The following THADA variants were observed in gnomAD, a reference collection of about 807,000 sequenced individuals.
THADA encodes the protein tRNA (32-2'-O)-methyltransferase regulator THADA.
Under a neutral mutation model 219.8 loss-of-function variants are expected in THADA, and 213 were observed. That is an observed-to-expected ratio of 0.97 (90% CI 0.87 to 1.09). The LOEUF is 1.09. Ranked by LOEUF, THADA falls within the 50% of genes least tolerant of loss-of-function variation. The pLI is 0.00. For missense variants in THADA, 2,956 were observed against 2,311.3 expected, an observed-to-expected ratio of 1.28 and a Z score of -5.72; for synonymous variants, 1,018 against 828.9, an observed-to-expected ratio of 1.23 and a Z score of -3.92.
At chr2:43,456,799 G>A in intron 26 of THADA, among the ~76,000 whole-genome samples, 1 of 152,180 alleles carries the variant, frequency 6.6e-6, no homozygotes, top group Non-Finnish European at 1.5e-5. Context: ...GGAATAGAGA[G>A]GAAATTAGTA....
rs542397510 is a variant in THADA at position 43,593,957 on chromosome 2, A to T, written c.-24-1541T>A. Among the ~76,000 whole-genome samples the T allele has an allele frequency of 8.1e-4, 123 of 152,228 alleles. 1 individual carries two copies. Among genetic ancestry groups the T allele is most frequent in the South Asian group, 4.6e-3 (22 of 4,824 alleles). On this transcript the variant is annotated intron_variant, in intron 1 of 37. Coordinates refer to ENST00000405975, the MANE Select transcript of THADA (RefSeq NM_022065.5). Reference sequence around the variant, plus strand: ...CTTAGACTTCTTGTCTTGCTATTAGATTAGTAAAAGTCAGTACAAGCTACA... The same window carrying T: ...CTTAGACTTCTTGTCTTGCTATTAGTTTAGTAAAAGTCAGTACAAGCTACA...
chr2:43,440,660 C>T (rs1237982512), intron 26 of THADA, among the ~76,000 whole-genome samples: 1 of 152,172 alleles, frequency 6.6e-6, no homozygotes, highest in African/African-American at 2.4e-5. Flanking sequence ...ATTATACAAA[C>T]AGAAAGGCAA....
At chr2:43,315,602 C>G (rs942984059) in intron 31 of THADA, among the ~76,000 whole-genome samples, 5 of 151,986 alleles carry the variant, frequency 3.3e-5, no homozygotes, top group African/African-American at 1.2e-4. Flanking sequence ...ATCTGGGACT[C>G]TACAGGCACA....
intron 26 of THADA, chr2:43,484,383 G>A (rs890700970): frequency 5.9e-6 from 1 of 168,932 alleles, no homozygotes; most frequent in South Asian, 2.0e-4. Context: ...ACTTTTTTAG[G>A]GAAGAAGGGA....
At position 43,319,069 on chromosome 2, in the gene THADA, G is replaced by A. The variant is rs1316843999; in HGVS notation, c.4438+1377C>T. Among the ~76,000 whole-genome samples, 3 of 152,184 alleles carry A rather than the reference G, an allele frequency of 2.0e-5. No homozygotes were observed. The East Asian group carries it at 5.8e-4, about 29-fold the overall frequency. On this transcript the variant is annotated intron_variant, in intron 31 of 37. Transcript: ENST00000405975. ...CCAAAGCCCTTTAGATACATAGGCA[G>A]GGAAGTATTACAAAGCTATATGGAA...
chr2:43,477,442 A>T (rs551335965), intron 26 of THADA, among the ~76,000 whole-genome samples: 24 of 152,322 alleles, frequency 1.6e-4, no homozygotes, highest in African/African-American at 5.8e-4. Flanking sequence ...TTCACTAAAC[A>T]TCTCTTAATT....
At chr2:43,451,441 A>C (rs1682323822) in intron 26 of THADA, among the ~76,000 whole-genome samples, 1 of 152,188 alleles carries the variant, frequency 6.6e-6, no homozygotes, top group Non-Finnish European at 1.5e-5. Flanking sequence ...CATAACATTA[A>C]CAGTTACTGT....
chr2:43,297,509 C>G (rs1411185980), intron 31 of THADA, among the ~76,000 whole-genome samples: 2 of 95,290 alleles, frequency 2.1e-5, no homozygotes, highest in East Asian at 5.0e-4. Flanking sequence ...GGGCGGTCAG[C>G]CCCCCCGCCC....
intron 35 of THADA, among the ~76,000 whole-genome samples, chr2:43,284,133 C>T (rs576626512): frequency 2.0e-5 from 3 of 152,190 alleles, no homozygotes; most frequent in East Asian, 1.9e-4. Context: ...GAGCCAAGAT[C>T]GTGCCATTGC....
Position 43,292,964 on chromosome 2 carries a change from G to A in THADA, c.4688C>T (p.Ala1563Val), listed in dbSNP as rs761258931. Residue 1563 changes from alanine (A) to valine (V), a missense_variant, in exon 32 of 38, where the codon GCC becomes GTC. Coordinates refer to ENST00000405975, the MANE Select transcript of THADA (RefSeq NM_022065.5). ...FPEVRSLTLE[A>V]LLEKFLAAAS... ...TGCTGCTAAGAACTTTTCCAAGAGG[G>A]CTTCCAGTGTTAGTGAGCGCACTTC... The A allele has an allele frequency of 1.2e-6, 2 of 1,614,000 alleles. No individual in the cohort carries two copies. The highest frequency in any genetic ancestry group is 1.7e-5 in the Admixed American group (1 of 60,024).
chr2:43,407,654 A>T (rs1478034915), intron 28 of THADA, among the ~76,000 whole-genome samples: 1 of 152,216 alleles, frequency 6.6e-6, no homozygotes, highest in African/African-American at 2.4e-5. Flanking sequence ...ATAATCTGTT[A>T]CATTTATAAA....
intron 36 of THADA, among the ~76,000 whole-genome samples, chr2:43,253,385 T>C (rs1181429074): frequency 1.3e-5 from 2 of 152,112 alleles, no homozygotes; most frequent in African/African-American, 2.4e-5. Context: ...CTTGGGCCCT[T>C]TGCCTACCTC....
intron 26 of THADA, among the ~76,000 whole-genome samples, chr2:43,461,764 T>G (rs1683670142): frequency 6.6e-6 from 1 of 152,248 alleles, no homozygotes; most frequent in Non-Finnish European, 1.5e-5. Flanking sequence ...TACTCCTCCT[T>G]GCTTCTCTGG....
chr2:43,368,669 G>A (rs1478237334), intron 29 of THADA, among the ~76,000 whole-genome samples: 3 of 151,908 alleles, frequency 2.0e-5, no homozygotes, highest in Non-Finnish European at 4.4e-5. Flanking sequence ...AAGTGCTGCT[G>A]GGGTTAAAGG....
chr2:43,435,781 C>CAAAA (rs542080356), intron 26 of THADA, among the ~76,000 whole-genome samples: 16 of 53,336 alleles, frequency 3.0e-4, no homozygotes, highest in South Asian at 6.2e-4. Flanking sequence ...AACTTGCCAC[C>CAAAA]AAAAAAAAAA....
At chr2:43,390,096 G>C (rs943159583) in intron 29 of THADA, among the ~76,000 whole-genome samples, 1 of 152,194 alleles carries the variant, frequency 6.6e-6, no homozygotes, top group African/African-American at 2.4e-5. Flanking sequence ...GGTCCAGAGG[G>C]TTAAGGTAAA....
At chr2:43,522,834 G>T (rs1411510260) in intron 22 of THADA, among the ~76,000 whole-genome samples, 1 of 152,000 alleles carries the variant, frequency 6.6e-6, no homozygotes, top group African/African-American at 2.4e-5. Flanking sequence ...AAATTAAAAG[G>T]ATTTTTCTCT....
At chr2:43,521,844 G>A (rs17030967) in intron 22 of THADA, among the ~76,000 whole-genome samples, 12,682 of 152,246 alleles carry the variant, frequency 0.083, 586 homozygotes, top group South Asian at 0.14. Flanking sequence ...CTGGTCATTA[G>A]ACAATTATTT....
At chr2:43,410,739 G>A (rs1676181788) in intron 28 of THADA, among the ~76,000 whole-genome samples, 1 of 151,994 alleles carries the variant, frequency 6.6e-6, no homozygotes, top group African/African-American at 2.4e-5. Context: ...TGGGGGAGGG[G>A]AGGTTGGGTA....
Sources: gnomAD v4.1 joint callset for allele counts (sites outside exome capture counted in the v4.1 genomes callset) on GRCh38, gnomAD v4.1.1 for gene constraint, MANE v1.5 for transcripts, NCBI Gene and HGNC (gene_info 2026-07-23, HGNC 2026-07-21) for gene names.